Variants in SPAG16 observed in about 807,000 individuals in gnomAD.
SPAG16 encodes the protein sperm associated antigen 16.
Under a neutral mutation model 80.4 loss-of-function variants are expected in SPAG16, and 86 were observed. The ratio of observed to expected loss-of-function variants is 1.07; its 90% CI spans 0.90 to 1.28. The LOEUF (loss-of-function observed/expected upper bound fraction) is 1.28, where lower values mean the gene tolerates loss of function less well. Ranked by LOEUF, SPAG16 falls within the 50% of genes most tolerant of loss-of-function variation. SPAG16 has a pLI of 0.00. For synonymous variants in SPAG16, 294 were observed against 265.9 expected (o/e 1.11, Z -1.03); for missense variants, 870 against 765.3 (o/e 1.14, Z -1.61).
chr2:213,324,710 G>T (rs564232989), intron 5 of SPAG16, among the ~76,000 whole-genome samples: 79 of 152,108 alleles, frequency 5.2e-4, no homozygotes, highest in Non-Finnish European at 1.0e-3. Flanking sequence ...GAACATTGAG[G>T]TACAAATATT....
intron 5 of SPAG16, among the ~76,000 whole-genome samples, chr2:213,321,208 C>T (rs1210051230): frequency 1.3e-5 from 2 of 151,940 alleles, no homozygotes; most frequent in African/African-American, 4.8e-5. Context: ...ATACTAATAG[C>T]ATTTAGTGAT....
intron 9 of SPAG16, among the ~76,000 whole-genome samples, chr2:213,426,256 A>G (rs1392059812): frequency 6.6e-6 from 1 of 152,048 alleles, no homozygotes; most frequent in African/African-American, 2.4e-5. Flanking sequence ...GTTTATGATA[A>G]TGTTAACCAT....
At chr2:214,060,342 A>G (rs1282260010) in intron 13 of SPAG16, among the ~76,000 whole-genome samples, 1 of 152,152 alleles carries the variant, frequency 6.6e-6, no homozygotes, top group African/African-American at 2.4e-5. Context: ...AAGGAGACAA[A>G]AATATTGTTT....
At chr2:214,195,134 A>G (rs984974126) in intron 15 of SPAG16, among the ~76,000 whole-genome samples, 2 of 152,078 alleles carry the variant, frequency 1.3e-5, no homozygotes, top group Non-Finnish European at 2.9e-5. Context: ...AATAAAAGGA[A>G]TAGTCTGCCA....
At chr2:214,386,346 C>T (rs936609920) in intron 15 of SPAG16, among the ~76,000 whole-genome samples, 2 of 152,084 alleles carry the variant, frequency 1.3e-5, no homozygotes, top group South Asian at 2.1e-4. Flanking sequence ...TCACAGTGAG[C>T]CAAGATCACA....
Position 213,434,954 on chromosome 2 carries a change from A to G in SPAG16, c.943-55009A>G, listed in dbSNP as rs927580310. 3.3e-5 allele frequency among the ~76,000 whole-genome samples: 5 copies of G among 152,338 alleles called. No individual in the cohort carries two copies. In the East Asian group the frequency reaches 7.7e-4, roughly 23 times the overall value. ...TACCATTCAATCCAGCAATCCCACT[A>G]CTAGGTATCTACCCAAAAGAAAAGA... is the stretch of plus-strand genomic sequence containing the variant. On this transcript the variant is annotated intron_variant, in intron 9 of 15. Coordinates refer to ENST00000331683, the MANE Select transcript of SPAG16 (RefSeq NM_024532.5).
chr2:213,712,668 T>C (rs974538569), intron 10 of SPAG16, among the ~76,000 whole-genome samples: 9 of 152,146 alleles, frequency 5.9e-5, no homozygotes, highest in Admixed American at 2.0e-4. Context: ...GAAGAAAGCT[T>C]CTTCTTTCCT....
At chr2:213,808,964 G>GA (rs557129214) in intron 10 of SPAG16, among the ~76,000 whole-genome samples, 10 of 152,190 alleles carry the variant, frequency 6.6e-5, no homozygotes, top group African/African-American at 2.2e-4. Context: ...GAGTTTTATT[G>GA]AAAAAAGGAG....
chr2:214,254,755 A>C lies in SPAG16; in HGVS notation c.1720+105489A>C, dbSNP rs116655760. Among the ~76,000 whole-genome samples, 755 of 151,084 alleles carry C rather than the reference A, an allele frequency of 5.0e-3. 5 individuals carry two copies. Among genetic ancestry groups the C allele is most frequent in the African/African-American group, 0.017 (717 of 41,190 alleles). ...AAAAATTAATTACAGTCATATTTAT[A>C]ACTAGGCTAGGAGTAAAAGATATAT... is the stretch of plus-strand genomic sequence containing the variant. On this transcript the variant is annotated intron_variant, in intron 15 of 15. Transcript: ENST00000331683.
At chr2:213,991,403 T>C (rs1013683459) in intron 12 of SPAG16, among the ~76,000 whole-genome samples, 1 of 152,232 alleles carries the variant, frequency 6.6e-6, no homozygotes, top group African/African-American at 2.4e-5. Flanking sequence ...AGTCTATCAC[T>C]GATGGGCATT....
At chr2:214,304,374 C>T (rs1179029328) in intron 15 of SPAG16, among the ~76,000 whole-genome samples, 1 of 152,184 alleles carries the variant, frequency 6.6e-6, no homozygotes, top group African/African-American at 2.4e-5. Flanking sequence ...GGCAGAAAAC[C>T]ACTTAAAGGC....
intron 9 of SPAG16, among the ~76,000 whole-genome samples, chr2:213,429,436 A>T (rs888610332): frequency 8.5e-5 from 13 of 152,164 alleles, no homozygotes; most frequent in African/African-American, 1.2e-4. Flanking sequence ...TGCCTGGGAC[A>T]ATGGATTACT....
chr2:213,566,780 A>G (rs2059783304), intron 10 of SPAG16, among the ~76,000 whole-genome samples: 1 of 152,192 alleles, frequency 6.6e-6, no homozygotes, highest in African/African-American at 2.4e-5. Context: ...CCTTTCCCAG[A>G]GCATAAGACT....
chr2:213,330,764 C>A (rs576246087), intron 5 of SPAG16, among the ~76,000 whole-genome samples: 1 of 152,236 alleles, frequency 6.6e-6, no homozygotes, highest in East Asian at 1.9e-4. Flanking sequence ...CCACCCAAAT[C>A]TCATCTTGAA....
At chr2:214,077,613 C>A (rs1308286154) in intron 13 of SPAG16, among the ~76,000 whole-genome samples, 1 of 152,226 alleles carries the variant, frequency 6.6e-6, no homozygotes, top group Non-Finnish European at 1.5e-5. Context: ...CGTTGGCCAG[C>A]CATGTGCCAA....
intron 9 of SPAG16, among the ~76,000 whole-genome samples, chr2:213,376,225 A>G (rs921038447): frequency 1.3e-5 from 2 of 151,890 alleles, no homozygotes; most frequent in Non-Finnish European, 2.9e-5. Flanking sequence ...AAACATTTTC[A>G]TCTTCTAACG....
At chr2:214,087,260 A>G (rs1452195752) in intron 13 of SPAG16, among the ~76,000 whole-genome samples, 3 of 152,160 alleles carry the variant, frequency 2.0e-5, no homozygotes, top group Non-Finnish European at 4.4e-5. Flanking sequence ...AATAATGTAG[A>G]AAAAATGTAC....
At chr2:213,761,817 G>A (rs916108289) in intron 10 of SPAG16, among the ~76,000 whole-genome samples, 3 of 152,114 alleles carry the variant, frequency 2.0e-5, no homozygotes, top group African/African-American at 4.8e-5. Context: ...AGTGAGCCGA[G>A]ATCGTGCCAC....
At chr2:213,885,092 A>G (rs761372079) in intron 11 of SPAG16, among the ~76,000 whole-genome samples, 3 of 152,036 alleles carry the variant, frequency 2.0e-5, no homozygotes, top group African/African-American at 2.4e-5. Flanking sequence ...TCTTGTGCTG[A>G]TTTTTGTACC....
Sources: allele counts gnomAD v4.1 joint callset (sites outside exome capture counted in the v4.1 genomes callset), GRCh38; gene constraint gnomAD v4.1.1; transcripts MANE v1.5; gene names NCBI Gene and HGNC (gene_info 2026-07-23, HGNC 2026-07-21).